Variants in WDR27 observed in about 807,000 individuals in gnomAD.
The protein encoded by WDR27 is WD repeat domain 27, also known as WD repeat-containing protein 27.
A neutral mutation model predicts 114.4 loss-of-function variants in WDR27; 100 were observed. That is an observed-to-expected ratio of 0.87 (90% confidence interval 0.74 to 1.03). The LOEUF (loss-of-function observed/expected upper bound fraction) is 1.03, where lower values mean the gene tolerates loss of function less well. WDR27 is among the 50% of genes least tolerant of loss of function. WDR27 has a pLI of 0.00. For synonymous variants in WDR27, 449 were observed against 423.1 expected (o/e 1.06, Z -0.75); for missense variants, 1,129 against 1,092.9 (o/e 1.03, Z -0.47).
At chr6:169,621,357 T>C (rs1345911135) in intron 21 of WDR27, among the ~76,000 whole-genome samples, 1 of 139,340 alleles carries the variant, frequency 7.2e-6, no homozygotes, top group Non-Finnish European at 1.5e-5. Context: ...CATGTAGACA[T>C]ACGCACACAT....
intron 25 of WDR27, among the ~76,000 whole-genome samples, chr6:169,474,545 A>G (rs927238260): frequency 6.6e-6 from 1 of 152,182 alleles, no homozygotes; most frequent in Non-Finnish European, 1.5e-5. Flanking sequence ...CTGAAGAGAG[A>G]ATTAGTGAAT....
At chr6:169,655,490 T>C (rs2128250855) in intron 13 of WDR27, among the ~76,000 whole-genome samples, 1 of 152,300 alleles carries the variant, frequency 6.6e-6, no homozygotes, top group East Asian at 1.9e-4. Context: ...AACAGAACGC[T>C]GTATAGCAAC....
chr6:169,588,251 A>T (rs1330331766), intron 23 of WDR27, among the ~76,000 whole-genome samples: 2 of 152,240 alleles, frequency 1.3e-5, no homozygotes, highest in Non-Finnish European at 2.9e-5. Context: ...TTATGAAGTG[A>T]TGATTTCATA....
intron 13 of WDR27, among the ~76,000 whole-genome samples, chr6:169,654,739 AGGCGCGCACAGGGTTAGGC>A (rs1554347980): frequency 1.3e-5 from 2 of 151,660 alleles, no homozygotes; most frequent in South Asian, 2.1e-4. Context: ...GCACAGGAGG[AGGCGCGCACAGGGTTAGGC>A]GGCGCGCACA....
At chr6:169,433,367 TG>T in the WDR27 span, among the ~76,000 whole-genome samples, 1 of 152,222 alleles carries the variant, frequency 6.6e-6, no homozygotes, top group African/African-American at 2.4e-5. Flanking sequence ...TGTGTTAGTT[TG>T]CTGAGAATGA....
intron 1 of WDR27, among the ~76,000 whole-genome samples, chr6:169,693,869 G>C (rs1054134676): frequency 6.6e-6 from 1 of 152,130 alleles, no homozygotes; most frequent in Non-Finnish European, 1.5e-5. Context: ...CCTAAGAAAT[G>C]ACATAGCAAC....
intron 25 of WDR27, among the ~76,000 whole-genome samples, chr6:169,509,180 A>G (rs1333490434): frequency 1.3e-5 from 2 of 152,228 alleles, no homozygotes; most frequent in Non-Finnish European, 1.5e-5. Flanking sequence ...GGAAGAACCA[A>G]TATCGTGAAA....
intron 25 of WDR27, among the ~76,000 whole-genome samples, chr6:169,459,826 C>CA (rs1270227501): frequency 1.3e-5 from 2 of 151,996 alleles, no homozygotes; most frequent in South Asian, 2.1e-4. Flanking sequence ...AAAAAACCCC[C>CA]AAAAAACTCT....
intron 25 of WDR27, among the ~76,000 whole-genome samples, chr6:169,489,591 AC>A (rs1271834772): frequency 2.0e-5 from 3 of 151,924 alleles, no homozygotes; most frequent in African/African-American, 7.3e-5. Flanking sequence ...CACTTCTACC[AC>A]CTGATCAGGA....
intron 25 of WDR27, among the ~76,000 whole-genome samples, chr6:169,470,090 T>C (rs1281694208): frequency 6.6e-6 from 1 of 152,246 alleles, no homozygotes; most frequent in Non-Finnish European, 1.5e-5. Context: ...CACAAAATAC[T>C]AGAATACAAT....
rs1317819353 is a variant in WDR27 at position 169,582,790 on chromosome 6, G to A, written c.2523+46C>T. 3 of 1,444,308 alleles carry A rather than the reference G, an allele frequency of 2.1e-6. No individual in the cohort carries two copies. In the African/African-American group the frequency reaches 4.2e-5, roughly 20 times the overall value. 89.5% of individuals were successfully genotyped at this position (1,444,308 alleles called of 1,614,324 possible). ...ATAAAGATACAAAAATATAATGTAA[G>A]ACTTGTATGCAGCAGAGGCGCCCCA... is the stretch of plus-strand genomic sequence containing the variant. On this transcript the variant is annotated intron_variant, in intron 24 of 25. Transcript: ENST00000448612.
At chr6:169,555,639 A>G (rs1798764286) in intron 25 of WDR27, among the ~76,000 whole-genome samples, 1 of 152,224 alleles carries the variant, frequency 6.6e-6, no homozygotes, top group Admixed American at 6.5e-5. Flanking sequence ...ATTTTCCAGA[A>G]TAATATTAGT....
At chr6:169,562,062 A>C (rs934360837) in intron 25 of WDR27, among the ~76,000 whole-genome samples, 5 of 152,216 alleles carry the variant, frequency 3.3e-5, no homozygotes, top group Admixed American at 3.3e-4. Flanking sequence ...AAAACAAAAA[A>C]CTGATAGAAT....
At chr6:169,554,710 C>T (rs1798631561) in intron 25 of WDR27, among the ~76,000 whole-genome samples, 1 of 152,186 alleles carries the variant, frequency 6.6e-6, no homozygotes, top group African/African-American at 2.4e-5. Context: ...TCAACCACCA[C>T]CATGTGCAAC....
chr6:169,522,129 G>A (rs1394456666), intron 25 of WDR27, among the ~76,000 whole-genome samples: 4 of 151,964 alleles, frequency 2.6e-5, no homozygotes, highest in African/African-American at 9.7e-5. Flanking sequence ...GAAAGTGAAG[G>A]GGTGGAAAAA....
At chr6:169,509,411 G>T in intron 25 of WDR27, among the ~76,000 whole-genome samples, 1 of 152,172 alleles carries the variant, frequency 6.6e-6, no homozygotes. Context: ...AAAACAGCAT[G>T]GTACTGGTAC....
chr6:169,581,754 G>A (rs1297537111), intron 24 of WDR27, among the ~76,000 whole-genome samples: 7 of 152,188 alleles, frequency 4.6e-5, no homozygotes, highest in South Asian at 2.1e-4. Context: ...GTAGTACCGC[G>A]TGTGCCAGGC....
chr6:169,471,396 C>T lies in WDR27; in HGVS notation c.2646-13762G>A, dbSNP rs1340077514. On this transcript the variant is annotated intron_variant, in intron 25 of 25. Transcript: ENST00000448612. Reference sequence around the variant, plus strand: ...GCTTCGTTTCAGAGATCCCAGGTGTCTTTCTGCCCTCAAAGAGTAGTAGAT... The same window carrying T: ...GCTTCGTTTCAGAGATCCCAGGTGTTTTTCTGCCCTCAAAGAGTAGTAGAT... Among the ~76,000 whole-genome samples, 18 of 152,044 alleles carry T rather than the reference C, an allele frequency of 1.2e-4. 1 individual carries two copies. The highest frequency in any genetic ancestry group is 1.2e-3 in the Admixed American group (18 of 15,272).
intron 25 of WDR27, among the ~76,000 whole-genome samples, chr6:169,505,957 G>C (rs1403974269): frequency 1.3e-5 from 2 of 152,202 alleles, no homozygotes. Flanking sequence ...CACCACTTCA[G>C]TCAGTGTCAT....
Sources: allele counts gnomAD v4.1 joint callset (sites outside exome capture counted in the v4.1 genomes callset), GRCh38; gene constraint gnomAD v4.1.1; transcripts MANE v1.5; gene names NCBI Gene and HGNC (gene_info 2026-07-23, HGNC 2026-07-21).